EXPH5: variants seen among roughly 807,000 people sequenced by gnomAD.
EXPH5 encodes the protein exophilin 5.
EXPH5 carries 42 observed loss-of-function variants against 41.1 expected under a neutral mutation model. That is an observed-to-expected ratio of 1.02 (90% CI 0.80 to 1.32). The LOEUF (loss-of-function observed/expected upper bound fraction) is 1.32, where lower values mean the gene tolerates loss of function less well. Among genes scored for constraint, EXPH5 ranks in the 40% most tolerant of loss-of-function variants. EXPH5 has a pLI of 0.00. For synonymous variants in EXPH5, 798 were observed against 833.5 expected, an observed-to-expected ratio of 0.96 and a Z score of 0.73; for missense variants, 2,298 against 2,314.5, an observed-to-expected ratio of 0.99 and a Z score of 0.15.
intron 1 of EXPH5, among the ~76,000 whole-genome samples, chr11:108,582,995 G>A (rs1384076658): frequency 6.6e-6 from 1 of 152,126 alleles, no homozygotes; most frequent in African/African-American, 2.4e-5. Context: ...TGAGGTATTG[G>A]CAATTAGGAC....
At chr11:108,589,134 C>T (rs559920104) in intron 1 of EXPH5, among the ~76,000 whole-genome samples, 2 of 152,194 alleles carry the variant, frequency 1.3e-5, no homozygotes, top group Non-Finnish European at 2.9e-5. Context: ...CACATTCTAT[C>T]GCCAATGAAA....
chr11:108,535,529 G>C (rs79651349), intron 3 of EXPH5, among the ~76,000 whole-genome samples: 3,037 of 152,258 alleles, frequency 0.02, 36 homozygotes, highest in Middle Eastern at 0.031. Context: ...CAACGAGCAA[G>C]AGTACACAGT....
intron 2 of EXPH5, among the ~76,000 whole-genome samples, chr11:108,540,954 G>A (rs1363095171): frequency 6.6e-6 from 1 of 151,836 alleles, no homozygotes; most frequent in Non-Finnish European, 1.5e-5. Flanking sequence ...GCCCAGGCTG[G>A]AGTGCAGTGG....
rs753724545 is a variant in EXPH5, at chr11:108,511,490, G to A, written c.4017C>T (p.Pro1339=). Residue 1339 remains proline (P), a synonymous_variant, in exon 6 of 6, where the codon CCC becomes CCT. Coordinates refer to ENST00000265843, the MANE Select transcript of EXPH5 (RefSeq NM_015065.3). ...MTAFRLSNRG[P]LAPTLQEMAS... ...CCATTTCCTGTAATGTAGGAGCTAG[G>A]GGCCCCCTATTTGATAATCGGAAGG... is the stretch of plus-strand genomic sequence containing the variant. The A allele has an allele frequency of 1.0e-5, 16 of 1,588,714 alleles. No individual in the cohort carries two copies. Among genetic ancestry groups the A allele is most frequent in the Non-Finnish European group, 1.4e-5 (16 of 1,170,730 alleles).
At chr11:108,582,057 A>G (rs1196530850) in intron 1 of EXPH5, among the ~76,000 whole-genome samples, 3 of 152,214 alleles carry the variant, frequency 2.0e-5, no homozygotes, top group Admixed American at 1.3e-4. Context: ...CATTTTACCA[A>G]TCGTTTAAGG....
chr11:108,513,369 T>C lies in EXPH5; in HGVS notation c.2138A>G (p.Gln713Arg), dbSNP rs769777698. 1.2e-6 allele frequency: 2 copies of C among 1,614,016 alleles called. No individual in the cohort carries two copies. The highest frequency in any genetic ancestry group is 8.5e-7 in the Non-Finnish European group (1 of 1,180,002). Residue 713 changes from glutamine to arginine, a missense_variant, in exon 6 of 6, where the codon CAG becomes CGG. Transcript: ENST00000265843. ...LNESISEEDK[Q>R]LSKMDQTNKA... ...GTTTGTCTGGTCCATCTTGCTTAGC[T>C]GTTTGTCTTCTTCTGAAATAGATTC...
intron 1 of EXPH5, among the ~76,000 whole-genome samples, chr11:108,592,927 G>C (rs1256340310): frequency 6.6e-6 from 1 of 152,256 alleles, no homozygotes; most frequent in Non-Finnish European, 1.5e-5. Flanking sequence ...GCATTGGGTG[G>C]GGAGATTCGC....
chr11:108,510,726 C>G lies in EXPH5; in HGVS notation c.4781G>C (p.Arg1594Thr). ...KGENRSSVKH[R>T]LAAMSKASRK... ...GCTGGCTTTAGACATGGCTGCCAAT[C>G]TGTGTTTAACTGAAGATCTATTTTC... is the stretch of plus-strand genomic sequence containing the variant. Residue 1594 changes from arginine to threonine, a missense_variant, in exon 6 of 6, where the codon AGA becomes ACA. By Grantham distance (71) the Arg-to-Thr change is moderately conservative. Coordinates refer to ENST00000265843, the MANE Select transcript of EXPH5 (RefSeq NM_015065.3). The G allele has an allele frequency of 6.2e-7, 1 of 1,614,206 alleles. No individual in the cohort carries two copies. Among genetic ancestry groups the G allele is most frequent in the Non-Finnish European group, 8.5e-7 (1 of 1,180,034 alleles).
intron 2 of EXPH5, 122 bp downstream of exon 2, chr11:108,541,529 CT>C: frequency 3.4e-6 from 2 of 587,326 alleles, no homozygotes; most frequent in Non-Finnish European, 5.7e-6. Flanking sequence ...ACTTTTGTGG[CT>C]TATGACTTTA....
At chr11:108,557,719 A>T (rs531639442) in intron 1 of EXPH5, among the ~76,000 whole-genome samples, 223 of 152,174 alleles carry the variant, frequency 1.5e-3, no homozygotes, top group African/African-American at 5.2e-3. Flanking sequence ...TTTCTTATTG[A>T]TTATATCTCT....
intron 3 of EXPH5, among the ~76,000 whole-genome samples, chr11:108,536,553 T>C (rs898010421): frequency 3.3e-5 from 5 of 152,236 alleles, no homozygotes; most frequent in Non-Finnish European, 7.3e-5. Context: ...GCGTGAGCCG[T>C]CATGACTGGC....
At chr11:108,584,451 T>C (rs945315844) in intron 1 of EXPH5, among the ~76,000 whole-genome samples, 2 of 151,834 alleles carry the variant, frequency 1.3e-5, no homozygotes, top group South Asian at 2.1e-4. Flanking sequence ...GCACTCCAGC[T>C]TAGGCGACAA....
In EXPH5 at chr11:108,549,268, C is replaced by T. The variant is rs568739939; in HGVS notation, c.120-7456G>A. On this transcript the variant is annotated intron_variant, in intron 1 of 5. Coordinates refer to ENST00000265843, the MANE Select transcript of EXPH5 (RefSeq NM_015065.3). ...GGTCTTTTCTTGCTAGGCCAGAGGC[C>T]CAGCCCTCTGTTCCAAGTCAAAATG... is the stretch of plus-strand genomic sequence containing the variant. Among the ~76,000 whole-genome samples, 56 of 152,308 alleles carry T rather than the reference C, an allele frequency of 3.7e-4. 1 individual carries two copies. In the South Asian group the frequency reaches 3.9e-3, roughly 11 times the overall value.
At chr11:108,515,999 G>C (rs1393867249) in intron 5 of EXPH5, among the ~76,000 whole-genome samples, 1 of 149,778 alleles carries the variant, frequency 6.7e-6, no homozygotes, top group Non-Finnish European at 1.5e-5. Context: ...GTGAACCCGG[G>C]AGGCAGAGCT....
chr11:108,531,145 C>A (rs1312101766), intron 3 of EXPH5, among the ~76,000 whole-genome samples: 1 of 152,182 alleles, frequency 6.6e-6, no homozygotes, highest in Non-Finnish European at 1.5e-5. Flanking sequence ...CACTTCACCA[C>A]CTCCAGTCAT....
chr11:108,551,145 T>C (rs575586563), intron 1 of EXPH5, among the ~76,000 whole-genome samples: 96 of 152,300 alleles, frequency 6.3e-4, no homozygotes, highest in African/African-American at 1.7e-3. Context: ...AGAGAGGACA[T>C]GGAAGTTCTG....
rs569152202 is a variant in EXPH5, at chr11:108,514,384, T to G, written c.1123A>C (p.Arg375=). 14 of 1,614,166 alleles carry G rather than the reference T, an allele frequency of 8.7e-6. No individual in the cohort carries two copies. The South Asian group carries it at 1.4e-4, about 16-fold the overall frequency. The change falls in exon 6 of 6, where the codon AGA becomes CGA. Residue 375 remains arginine, a synonymous_variant. Coordinates refer to ENST00000265843, the MANE Select transcript of EXPH5 (RefSeq NM_015065.3). The part of the protein sequence containing the change: ...RTPLSSIIWN[R]SDSSRDRENQ... Reference sequence around the variant, plus strand: ...TCCCTGTCTCTAGAGGAATCTGATCTGTTCCATATGATGGATGATAAAGGA... The same window carrying G: ...TCCCTGTCTCTAGAGGAATCTGATCGGTTCCATATGATGGATGATAAAGGA...
Position 108,514,201 on chromosome 11 carries a change from C to A in EXPH5, c.1306G>T (p.Ala436Ser), listed in dbSNP as rs756327219. 18 of 1,614,066 alleles carry A rather than the reference C, an allele frequency of 1.1e-5. No individual in the cohort carries two copies. Among genetic ancestry groups the A allele is most frequent in the Non-Finnish European group, 1.4e-5 (16 of 1,180,036 alleles). ...TTCTCAAAAGTGTCGGGACTCATTG[C>A]ATTCTCCATGGGAGCATTTAAACTA... Reference protein sequence around the residue: ...RVSLNAPMENAMSPDTFENSE... With the variant: ...RVSLNAPMENSMSPDTFENSE... Residue 436 changes from alanine to serine, a missense_variant, in exon 6 of 6, where the codon GCA (alanine) becomes TCA (serine). By Grantham distance (99) the Ala-to-Ser change is moderately conservative. Coordinates refer to ENST00000265843, the MANE Select transcript of EXPH5 (RefSeq NM_015065.3).
intron 4 of EXPH5, among the ~76,000 whole-genome samples, chr11:108,523,174 C>T (rs1457457967): frequency 6.6e-6 from 1 of 152,126 alleles, no homozygotes; most frequent in Non-Finnish European, 1.5e-5. Context: ...CCACGCCCAG[C>T]CTCCAACTTT....
Sources: allele counts gnomAD v4.1 joint callset (sites outside exome capture counted in the v4.1 genomes callset), GRCh38; gene constraint gnomAD v4.1.1; transcripts MANE v1.5; gene names NCBI Gene and HGNC (gene_info 2026-07-23, HGNC 2026-07-21).